Variants in EMSY observed in about 807,000 individuals in gnomAD.
EMSY encodes EMSY transcriptional repressor, BRCA2 interacting.
Under a neutral mutation model 134.6 loss-of-function variants are expected in EMSY, and 26 were observed. The ratio of observed to expected loss-of-function variants is 0.19; its 90% CI spans 0.14 to 0.27. The LOEUF is 0.27. Among genes scored for constraint, EMSY ranks in the 10% least tolerant of loss-of-function variants. EMSY has a pLI of 1.00. For synonymous variants in EMSY, 579 were observed against 577.8 expected (o/e 1.00, Z -0.03); for missense variants, 1,305 against 1,611.4 (o/e 0.81, Z 3.26).
At chr11:76,477,270 G>GTTT (rs529328999) in intron 8 of EMSY, among the ~76,000 whole-genome samples, 20 of 139,192 alleles carry the variant, frequency 1.4e-4, no homozygotes, top group African/African-American at 5.1e-4. Flanking sequence ...ATTTATTTCT[G>GTTT]TTTTTTTTTT....
At chr11:76,510,850 A>T (rs1160026847) in intron 9 of EMSY, among the ~76,000 whole-genome samples, 1 of 152,252 alleles carries the variant, frequency 6.6e-6, no homozygotes, top group Non-Finnish European at 1.5e-5. Flanking sequence ...GCCATCTGGA[A>T]TGGAATGTAC....
At chr11:76,504,068 G>C (rs1209852493) in intron 9 of EMSY, among the ~76,000 whole-genome samples, 1 of 151,974 alleles carries the variant, frequency 6.6e-6, no homozygotes, top group African/African-American at 2.4e-5. Context: ...TTACAGGCGG[G>C]AGCCACTGTG....
intron 11 of EMSY, among the ~76,000 whole-genome samples, chr11:76,519,397 A>C (rs1950568874): frequency 6.6e-6 from 1 of 152,186 alleles, no homozygotes; most frequent in Admixed American, 6.5e-5. Flanking sequence ...ATATTTATTT[A>C]CATGTGTATA....
chr11:76,513,287 G>C, intron 9 of EMSY, 99 bp from the exon 11 acceptor site: 1 of 1,113,274 alleles, frequency 9.0e-7, no homozygotes, highest in Non-Finnish European at 1.2e-6. Context: ...CTTTAGACAA[G>C]ACTGAGTAAA....
chr11:76,472,454 GCTT>G, intron 7 of EMSY, 107 bp from the exon 9 acceptor site: 1 of 1,048,538 alleles, frequency 9.5e-7, no homozygotes, highest in East Asian at 2.6e-5. Flanking sequence ...CTGTTGAATT[GCTT>G]CTTCGTTTTT....
intron 9 of EMSY, among the ~76,000 whole-genome samples, chr11:76,497,565 T>C (rs1949705189): frequency 6.6e-6 from 1 of 152,124 alleles, no homozygotes; most frequent in Non-Finnish European, 1.5e-5. Flanking sequence ...TGTTTCATCT[T>C]GGTTTTGGTA....
intron 9 of EMSY, among the ~76,000 whole-genome samples, chr11:76,504,341 C>T (rs943239358): frequency 1.3e-5 from 2 of 150,646 alleles, no homozygotes; most frequent in Non-Finnish European, 3.0e-5. Context: ...GGTAAATAGA[C>T]ATATAACCCA....
rs974352582 is a variant in EMSY, at chr11:76,445,662, C to T, written c.-40+534C>T. ...CCGAGCGGGCTCCGGAAACTACTGC[C>T]CGGGTTTCCGATGCGTTGCGGCCCC... On this transcript the variant is annotated intron_variant, in intron 1 of 20. Transcript: ENST00000334736. 3.9e-5 allele frequency among the ~76,000 whole-genome samples: 6 copies of T among 152,276 alleles called. No homozygotes were observed. In the East Asian group the frequency reaches 1.2e-3, roughly 30 times the overall value.
chr11:76,535,976 C>T (rs1312397121), exon 15 of EMSY: 1 of 1,603,950 alleles, frequency 6.2e-7, no homozygotes, highest in Non-Finnish European at 8.5e-7. Flanking sequence ...ACTAGCCCTA[C>T]CATAATTTAT....
At chr11:76,449,491 A>G (rs1331207536) in intron 2 of EMSY, among the ~76,000 whole-genome samples, 1 of 152,236 alleles carries the variant, frequency 6.6e-6, no homozygotes, top group Non-Finnish European at 1.5e-5. Flanking sequence ...TGTCTTGATC[A>G]TCATAAATTC....
chr11:76,462,638 G>A (rs1040912526), intron 6 of EMSY, among the ~76,000 whole-genome samples: 25 of 152,208 alleles, frequency 1.6e-4, no homozygotes, highest in African/African-American at 5.8e-4. Context: ...TTGATGTTAG[G>A]TGGTATTCCC....
chr11:76,470,392 G>A (rs770814294), intron 7 of EMSY, among the ~76,000 whole-genome samples: 5 of 152,108 alleles, frequency 3.3e-5, no homozygotes, highest in Non-Finnish European at 7.4e-5. Flanking sequence ...GTAAAATGGG[G>A]ATAATAATAG....
In EMSY at chr11:76,458,376, C is replaced by A; in HGVS notation, c.421+18C>A. The A allele has an allele frequency of 6.4e-7, 1 of 1,574,254 alleles. No individual in the cohort carries two copies. Among genetic ancestry groups the A allele is most frequent in the Non-Finnish European group, 8.6e-7 (1 of 1,160,240 alleles). On this transcript the variant is annotated intron_variant, in intron 5 of 20. Transcript: ENST00000334736. ...CAAGGAAGGTGAGTAGAAAAATATG[C>A]CTGTGTTAGAGATTACTTTTCTTAG...
chr11:76,538,359 A>G (rs969850913), intron 16 of EMSY, among the ~76,000 whole-genome samples: 4 of 152,190 alleles, frequency 2.6e-5, no homozygotes, highest in Non-Finnish European at 5.9e-5. Context: ...TCCTGGGCTC[A>G]GGTGATCCTC....
intron 8 of EMSY, among the ~76,000 whole-genome samples, chr11:76,480,149 T>C (rs1948913967): frequency 6.6e-6 from 1 of 152,222 alleles, no homozygotes; most frequent in Admixed American, 6.5e-5. Context: ...ACATCACTGT[T>C]TTGGTGTTAA....
chr11:76,511,420 T>A (rs1213464530), intron 9 of EMSY, among the ~76,000 whole-genome samples: 1 of 152,168 alleles, frequency 6.6e-6, no homozygotes, highest in Non-Finnish European at 1.5e-5. Flanking sequence ...TACTTAATTG[T>A]GGTCGGGTCT....
chr11:76,484,096 C>T (rs1949087048), intron 8 of EMSY, among the ~76,000 whole-genome samples: 1 of 152,222 alleles, frequency 6.6e-6, no homozygotes, highest in South Asian at 2.1e-4. Context: ...TTAAGAAACT[C>T]ACTCAAACCT....
At chr11:76,454,991 G>T (rs1322420512) in intron 4 of EMSY, among the ~76,000 whole-genome samples, 1 of 152,010 alleles carries the variant, frequency 6.6e-6, no homozygotes, top group Non-Finnish European at 1.5e-5. Flanking sequence ...TCAGAGGGTG[G>T]GAAGGGAGAG....
intron 6 of EMSY, among the ~76,000 whole-genome samples, chr11:76,462,949 G>A (rs1948185535): frequency 6.6e-6 from 1 of 152,184 alleles, no homozygotes; most frequent in Admixed American, 6.5e-5. Context: ...CTGGAAGCAT[G>A]GACATCTTTT....
Sources: allele counts gnomAD v4.1 joint callset (sites outside exome capture counted in the v4.1 genomes callset), GRCh38; gene constraint gnomAD v4.1.1; transcripts MANE v1.5; gene names NCBI Gene and HGNC (gene_info 2026-07-23, HGNC 2026-07-21).